The following AMMECR1L variants were observed in gnomAD, a reference collection of about 807,000 sequenced individuals.
AMMECR1L encodes the protein AMMECR1 like, also known as AMMECR1-like protein.
Under a neutral mutation model 36.8 loss-of-function variants are expected in AMMECR1L, and 4 were observed. The observed-to-expected ratio is 0.11, with a 90% CI of 0.05 to 0.25. The LOEUF (loss-of-function observed/expected upper bound fraction) is 0.25. Ranked by LOEUF, AMMECR1L falls within the 10% of genes least tolerant of loss-of-function variation. The pLI is 1.00. For missense variants in AMMECR1L, 232 were observed against 392.1 expected (o/e 0.59, Z 3.45); for synonymous variants, 147 against 148.0 (o/e 0.99, Z 0.05).
chr2:127,866,804 A>G (rs1335687878), intron 7 of AMMECR1L, 96 bp downstream of exon 7: 7 of 1,191,740 alleles, frequency 5.9e-6, no homozygotes, highest in African/African-American at 1.5e-5. Context: ...ATTTAGGGAC[A>G]TTCACAGAGA....
At position 127,873,182 on chromosome 2, in the gene AMMECR1L, CAA is replaced by C; in HGVS notation, c.407+644_407+645del. ...TTCAAAGCCAGCTCAGAGCGGCTTC[CAA>C]TTCTGAGGAAGAAGAAAATGCTAGC... On this transcript the variant is annotated intron_variant, in intron 3 of 7. Coordinates refer to ENST00000272647, the MANE Select transcript of AMMECR1L (RefSeq NM_001199140.2). The surrounding 1 kb of genome is among the most constrained non-coding windows in gnomAD (Gnocchi z 5.2). 1.0e-6 allele frequency: 1 copy of C among 985,446 alleles called. No homozygotes were observed. Among genetic ancestry groups the C allele is most frequent in the Non-Finnish European group, 1.2e-6 (1 of 829,928 alleles). 61.0% of individuals were successfully genotyped at this position (985,446 alleles called of 1,614,324 possible).
chr2:127,871,017 G>C lies in AMMECR1L; in HGVS notation c.519-89C>G. On this transcript the variant is annotated intron_variant, in intron 4 of 7. Transcript: ENST00000272647. This position sits in a 1 kb window ranked among gnomAD's most constrained non-coding sequence, Gnocchi z 4.3. ...TAGAGCCCACATATTTATGAATCTT[G>C]AGCTATGCAGAGAGTATCTATTGTT... is the stretch of plus-strand genomic sequence containing the variant. The C allele has an allele frequency of 9.7e-7, 1 of 1,032,926 alleles. No individual in the cohort carries two copies. The highest frequency in any genetic ancestry group is 1.4e-6 in the Non-Finnish European group (1 of 704,950). The allele number at this position is 1,032,926 out of a possible 1,614,324, so 64.0% of individuals were successfully genotyped here. A position where few individuals can be genotyped will look rare whatever the true frequency, so the allele number is the denominator to read the frequency against.
At position 127,862,919 on chromosome 2, in the gene AMMECR1L, T is replaced by C. The variant is rs1209842437; in HGVS notation, c.*2175A>G. ...ATAAAATAAAATAACATACCATACA[T>C]TGGAGAAGACAAATAGGGCAACATT... On this transcript the variant is annotated 3_prime_UTR_variant, in exon 8 of 8. Transcript: ENST00000272647. The C allele has an allele frequency of 1.3e-5, 2 of 152,524 alleles. No homozygotes were observed. Among genetic ancestry groups the C allele is most frequent in the Non-Finnish European group, 2.9e-5 (2 of 68,020 alleles). 9.4% of individuals were successfully genotyped at this position (152,524 alleles called of 1,614,324 possible).
At chr2:127,880,926 C>A (rs922174598) in intron 2 of AMMECR1L, among the ~76,000 whole-genome samples, 4 of 152,214 alleles carry the variant, frequency 2.6e-5, no homozygotes, top group Admixed American at 2.6e-4. Context: ...AATCTCCATT[C>A]TATTCAGCCC....
intron 7 of AMMECR1L, among the ~76,000 whole-genome samples, chr2:127,866,463 T>C (rs1690687629): frequency 6.6e-6 from 1 of 152,236 alleles, no homozygotes; most frequent in Admixed American, 6.5e-5. Flanking sequence ...CCTAGAAGTA[T>C]TCCCCACAAA....
chr2:127,871,196 T>G lies in AMMECR1L; in HGVS notation c.518+53A>C. The G allele has an allele frequency of 6.4e-7, 1 of 1,567,858 alleles. No individual in the cohort carries two copies. Among genetic ancestry groups the G allele is most frequent in the African/African-American group, 1.3e-5 (1 of 74,118 alleles). ...CTTAGAAGAAATAAAGTCAGGCAGCTATTTCTGATTCTAGCCAATTTATCT... is the reference window on the plus strand; with the variant it reads ...CTTAGAAGAAATAAAGTCAGGCAGCGATTTCTGATTCTAGCCAATTTATCT... On this transcript the variant is annotated intron_variant, in intron 4 of 7. Coordinates refer to ENST00000272647, the MANE Select transcript of AMMECR1L (RefSeq NM_001199140.2). This position sits in a 1 kb window ranked among gnomAD's most constrained non-coding sequence, Gnocchi z 4.3.
rs1252972222 is a variant in AMMECR1L at position 127,865,376 on chromosome 2, T to G, written c.822-171A>C. 6.6e-6 allele frequency among the ~76,000 whole-genome samples: 1 copy of G among 152,222 alleles called. No individual in the cohort carries two copies. The highest frequency in any genetic ancestry group is 1.5e-5 in the Non-Finnish European group (1 of 68,038). On this transcript the variant is annotated intron_variant, in intron 7 of 7. Transcript: ENST00000272647. The surrounding 1 kb of genome is among the most constrained non-coding windows in gnomAD (Gnocchi z 5.4). ...AGACAGCACAAGAAAACAATGTTGT[T>G]ATTACAAATGAACAAGATGAAAAAG...
At chr2:127,872,884 G>T in intron 3 of AMMECR1L, 1 of 652,676 alleles carries the variant, frequency 1.5e-6, no homozygotes, top group South Asian at 6.9e-5. Flanking sequence ...CAGGGTGACG[G>T]TTCCCAAAAA....
chr2:127,878,757 C>T (rs770902678), intron 2 of AMMECR1L, among the ~76,000 whole-genome samples: 1 of 152,216 alleles, frequency 6.6e-6, no homozygotes, highest in Non-Finnish European at 1.5e-5. Context: ...CAGAACCAAC[C>T]ACAATCTTTG....
rs1248624895 is a variant in AMMECR1L at position 127,873,619 on chromosome 2, C to CA, written c.407+208dup. On this transcript the variant is annotated intron_variant, in intron 3 of 7. Transcript: ENST00000272647. This position sits in a 1 kb window ranked among gnomAD's most constrained non-coding sequence, Gnocchi z 5.2. Reference sequence around the variant, plus strand: ...GAACATTACTTTAACAACAAGCCTACAGCCTCCTCCAAATGTGAACTGCTC... The same window carrying CA: ...GAACATTACTTTAACAACAAGCCTACAAGCCTCCTCCAAATGTGAACTGCTC... 1.0e-6 allele frequency: 1 copy of CA among 985,368 alleles called. No homozygotes were observed. The highest frequency in any genetic ancestry group is 1.2e-6 in the Non-Finnish European group (1 of 829,960). 61.0% of individuals were successfully genotyped at this position (985,368 alleles called of 1,614,324 possible).
intron 6 of AMMECR1L, 130 bp from the exon 7 acceptor site, chr2:127,867,126 G>C (rs1176827408): frequency 2.0e-6 from 3 of 1,498,318 alleles, no homozygotes; most frequent in Non-Finnish European, 2.7e-6. Flanking sequence ...GGAAGCCCTG[G>C]GCACTGACCC....
chr2:127,882,987 C>G (rs1691579542), intron 2 of AMMECR1L, among the ~76,000 whole-genome samples: 1 of 151,668 alleles, frequency 6.6e-6, no homozygotes, highest in African/African-American at 2.4e-5. Flanking sequence ...TCAAGCGATC[C>G]TCCTGCCTCA....
At chr2:127,884,866 C>A (rs1194840701) in intron 1 of AMMECR1L, 1 of 152,236 alleles carries the variant, frequency 6.6e-6, no homozygotes, top group Non-Finnish European at 1.5e-5. Context: ...CCAACTCTCC[C>A]CACTACTAGA....
chr2:127,884,962 A>C, intron 1 of AMMECR1L: 1 of 175,970 alleles, frequency 5.7e-6, no homozygotes, highest in Non-Finnish European at 1.1e-5. Flanking sequence ...ACTCTATCCT[A>C]GGAGAGGGCA....
rs1272691324 is a variant in AMMECR1L, at chr2:127,871,621, G to A, written c.408-262C>T. Among the ~76,000 whole-genome samples the A allele has an allele frequency of 1.3e-5, 2 of 152,130 alleles. No homozygotes were observed. Among genetic ancestry groups the A allele is most frequent in the African/African-American group, 2.4e-5 (1 of 41,430 alleles). ...GCTGACAGCTTTAATTCACTTTGCC[G>A]CCAAATTTACATGCTACTTTCCTCT... is the stretch of plus-strand genomic sequence containing the variant. On this transcript the variant is annotated intron_variant, in intron 3 of 7. Coordinates refer to ENST00000272647, the MANE Select transcript of AMMECR1L (RefSeq NM_001199140.2). This position sits in a 1 kb window ranked among gnomAD's most constrained non-coding sequence, Gnocchi z 4.3.
rs6746742 is a variant in AMMECR1L, at chr2:127,869,048, T to C, written c.724+406A>G. Among the ~76,000 whole-genome samples, 3 of 152,262 alleles carry C rather than the reference T, an allele frequency of 2.0e-5. No individual in the cohort carries two copies. Among genetic ancestry groups the C allele is most frequent in the Non-Finnish European group, 4.4e-5 (3 of 68,018 alleles). On this transcript the variant is annotated intron_variant, in intron 6 of 7. Coordinates refer to ENST00000272647, the MANE Select transcript of AMMECR1L (RefSeq NM_001199140.2). The surrounding 1 kb of genome is among the most constrained non-coding windows in gnomAD (Gnocchi z 4.7). ...GACTACTGAGTTCTTTAAAAAACAG[T>C]AGGGACTATGTTTACACCCTTTGCC...
At chr2:127,866,850 T>C in intron 7 of AMMECR1L, 50 bp downstream of exon 7, 1 of 1,543,066 alleles carries the variant, frequency 6.5e-7, no homozygotes, top group Non-Finnish European at 8.9e-7. Flanking sequence ...TTATCCTCCA[T>C]TCAACCCCAA....
Position 127,870,900 on chromosome 2 carries a change from G to T in AMMECR1L, c.547C>A (p.Leu183Met), listed in dbSNP as rs1031611283. The T allele has an allele frequency of 6.2e-7, 1 of 1,610,410 alleles. No homozygotes were observed. Among genetic ancestry groups the T allele is most frequent in the South Asian group, 1.1e-5 (1 of 90,396 alleles). ...AGTTTAGGCAGCTCCTCTCGGGTCA[G>T]GGGGGGAAATCGGCTGTCCTTAAGT... ...SALKDSRFPP[L>M]TREELPKLFC... The change falls in exon 5 of 8, where the codon CTG (leucine) becomes ATG (methionine). Residue 183 changes from leucine (L) to methionine (M), a missense_variant. This residue lies in a region of AMMECR1L where 83 missense variants were observed against 229.5 expected (regional missense o/e 0.36). Coordinates refer to ENST00000272647, the MANE Select transcript of AMMECR1L (RefSeq NM_001199140.2).
chr2:127,870,901 G>A lies in AMMECR1L; in HGVS notation c.546C>T (p.Pro182=), dbSNP rs553707602. ...TSALKDSRFP[P]LTREELPKLF... is the part of the protein sequence containing the mutation. ...GTTTAGGCAGCTCCTCTCGGGTCAG[G>A]GGGGGAAATCGGCTGTCCTTAAGTG... Residue 182 remains proline (P), a synonymous_variant, in exon 5 of 8, where the codon CCC becomes CCT. Coordinates refer to ENST00000272647, the MANE Select transcript of AMMECR1L (RefSeq NM_001199140.2). 19 of 1,613,716 alleles carry A rather than the reference G, an allele frequency of 1.2e-5. No individual in the cohort carries two copies. Among genetic ancestry groups the A allele is most frequent in the South Asian group, 3.3e-5 (3 of 90,982 alleles).
Sources: allele counts gnomAD v4.1 joint callset (sites outside exome capture counted in the v4.1 genomes callset), GRCh38; gene constraint gnomAD v4.1.1; regional missense constraint gnomAD v4.1.1; non-coding constraint Gnocchi (gnomAD v3.1); transcripts MANE v1.5; gene names NCBI Gene and HGNC (gene_info 2026-07-23, HGNC 2026-07-21).